IQSEC1: variants seen among roughly 807,000 people sequenced by gnomAD.
IQSEC1 encodes IQ motif and SEC7 domain-containing protein 1.
A neutral mutation model predicts 91.0 loss-of-function variants in IQSEC1; 31 were observed. The observed-to-expected ratio is 0.34, with a 90% CI of 0.26 to 0.46. The LOEUF (loss-of-function observed/expected upper bound fraction) is 0.46, where lower values mean the gene tolerates loss of function less well. Ranked by LOEUF, IQSEC1 falls within the 20% of genes least tolerant of loss-of-function variation. The pLI, the probability that IQSEC1 is intolerant of heterozygous loss-of-function variation, is 1.00. For missense variants in IQSEC1, 1,388 were observed against 1,575.6 expected (o/e 0.88, Z 2.02); for synonymous variants, 699 against 662.6 (o/e 1.05, Z -0.84).
chr3:13,028,021 T>C (rs558691136), intron 1 of IQSEC1, among the ~76,000 whole-genome samples: 136 of 152,312 alleles, frequency 8.9e-4, no homozygotes, highest in Non-Finnish European at 1.8e-3. Context: ...CAAGGTCCAC[T>C]TAGCTGCCTC....
intron 1 of IQSEC1, among the ~76,000 whole-genome samples, chr3:13,024,594 A>G (rs1348948789): frequency 6.8e-6 from 1 of 146,992 alleles, no homozygotes; most frequent in Non-Finnish European, 1.5e-5. Flanking sequence ...CCATCCACCC[A>G]CCCATCCATC....
At chr3:13,279,153 A>G (rs903668811) in intron 1 of IQSEC1, among the ~76,000 whole-genome samples, 7 of 152,214 alleles carry the variant, frequency 4.6e-5, no homozygotes, top group African/African-American at 1.7e-4. Flanking sequence ...CTGAAGTTCA[A>G]CTGACTTTCT....
intron 1 of IQSEC1, among the ~76,000 whole-genome samples, chr3:13,242,041 G>T (rs150684226): frequency 1.1e-3 from 172 of 152,294 alleles, no homozygotes; most frequent in African/African-American, 4.0e-3. Context: ...GTGTATGTGT[G>T]CATATATATT....
intron 1 of IQSEC1, among the ~76,000 whole-genome samples, chr3:13,064,046 A>C (rs1262016862): frequency 6.6e-6 from 1 of 152,012 alleles, no homozygotes; most frequent in Non-Finnish European, 1.5e-5. Flanking sequence ...TCTTATATAC[A>C]TCGTTTCCCC....
intron 2 of IQSEC1, among the ~76,000 whole-genome samples, chr3:13,152,288 A>G (rs955839032): frequency 6.6e-6 from 1 of 152,238 alleles, no homozygotes; most frequent in Non-Finnish European, 1.5e-5. Flanking sequence ...AAGGATTTAC[A>G]TGCCAAATGT....
chr3:13,237,228 G>A (rs1694946115), intron 1 of IQSEC1, among the ~76,000 whole-genome samples: 1 of 152,236 alleles, frequency 6.6e-6, no homozygotes, highest in South Asian at 2.1e-4. Flanking sequence ...AGCCCTTTCT[G>A]TGTGGATGGG....
chr3:13,024,916 G>A (rs1041824989), intron 1 of IQSEC1, among the ~76,000 whole-genome samples: 1 of 152,198 alleles, frequency 6.6e-6, no homozygotes, highest in Non-Finnish European at 1.5e-5. Flanking sequence ...TTGCAAAACA[G>A]GAATAAAAAA....
At chr3:12,988,988 A>G (rs984393816) in intron 1 of IQSEC1, among the ~76,000 whole-genome samples, 2 of 152,228 alleles carry the variant, frequency 1.3e-5, no homozygotes, top group African/African-American at 4.8e-5. Flanking sequence ...ATGCAAAGCA[A>G]GTTAGAAGCC....
At chr3:12,905,201 G>C (rs1271907522) in intron 12 of IQSEC1, among the ~76,000 whole-genome samples, 3 of 152,368 alleles carry the variant, frequency 2.0e-5, no homozygotes, top group Non-Finnish European at 4.4e-5. Flanking sequence ...GTGCTGATCA[G>C]GCCAAGCCAG....
chr3:13,115,531 G>C (rs1706321038), intron 2 of IQSEC1, among the ~76,000 whole-genome samples: 1 of 152,228 alleles, frequency 6.6e-6, no homozygotes, highest in African/African-American at 2.4e-5. Context: ...GGTGGCCATG[G>C]ATGAGTCTTC....
Position 13,235,897 on chromosome 3 carries a change from G to A in IQSEC1, c.272+46814C>T, listed in dbSNP as rs762078495. 1.8e-4 allele frequency among the ~76,000 whole-genome samples: 28 copies of A among 152,078 alleles called. No homozygotes were observed. The East Asian group carries it at 2.9e-3, about 16-fold the overall frequency. On this transcript the variant is annotated intron_variant, in intron 1 of 15. Transcript: ENST00000648114. ...CCCGTTCCCTGTAGCCACCAGCCCC[G>A]CTGAGACAACCCGCTGCGGCAGACA... is the stretch of plus-strand genomic sequence containing the variant.
At chr3:13,065,630 G>C (rs1362504316) in intron 1 of IQSEC1, among the ~76,000 whole-genome samples, 1 of 152,218 alleles carries the variant, frequency 6.6e-6, no homozygotes, top group African/African-American at 2.4e-5. Flanking sequence ...TTGTGCAGTG[G>C]TGGAGGGAAG....
chr3:13,043,498 T>A (rs751957227), intron 1 of IQSEC1, among the ~76,000 whole-genome samples: 3 of 152,170 alleles, frequency 2.0e-5, no homozygotes, highest in Non-Finnish European at 4.4e-5. Context: ...GCAGCTCCGC[T>A]CCTCCTCGTC....
chr3:12,964,298 C>G lies in IQSEC1; in HGVS notation c.24-22433G>C, dbSNP rs1475375217. Among the ~76,000 whole-genome samples, 10 of 52,756 alleles carry G rather than the reference C, an allele frequency of 1.9e-4. No homozygotes were observed. In the Admixed American group the frequency reaches 2.7e-3, roughly 14 times the overall value. 34.6% of individuals were successfully genotyped at this position (52,756 alleles called of 152,430 possible). A position where few individuals can be genotyped will look rare whatever the true frequency, so the allele number is the denominator to read the frequency against. On this transcript the variant is annotated intron_variant, in intron 1 of 13. Coordinates refer to ENST00000613206, the MANE Select transcript of IQSEC1 (RefSeq NM_001134382.3). ...TCAACAGCATTTGAGCATACTCCCC[C>G]TACACACACACACACACACACACAC...
intron 1 of IQSEC1, among the ~76,000 whole-genome samples, chr3:13,011,936 T>C (rs1314576007): frequency 2.3e-5 from 3 of 130,702 alleles, no homozygotes; most frequent in Non-Finnish European, 4.9e-5. Flanking sequence ...AAATTCTAAG[T>C]TCGTGGGGGA....
chr3:13,215,553 G>A (rs1326971677), intron 1 of IQSEC1, among the ~76,000 whole-genome samples: 1 of 152,194 alleles, frequency 6.6e-6, no homozygotes, highest in Non-Finnish European at 1.5e-5. Context: ...ACATTTGAGA[G>A]GCTTGATAAA....
Position 13,274,075 on chromosome 3 carries a change from C to T in IQSEC1, c.272+8636G>A, listed in dbSNP as rs974972174. 5.9e-5 allele frequency among the ~76,000 whole-genome samples: 9 copies of T among 152,180 alleles called. No individual in the cohort carries two copies. The East Asian group carries it at 1.2e-3, about 20-fold the overall frequency. Reference sequence around the variant, plus strand: ...AGAAAGTACAAGCAAATCCCAAAGCCGGGACCCTCCCTCCAGTCCTGTCTT... The same window carrying T: ...AGAAAGTACAAGCAAATCCCAAAGCTGGGACCCTCCCTCCAGTCCTGTCTT... On this transcript the variant is annotated intron_variant, in intron 1 of 15. Coordinates refer to the IQSEC1 transcript ENST00000648114.
chr3:12,931,019 C>T (rs1367855662), intron 3 of IQSEC1, among the ~76,000 whole-genome samples: 6 of 152,188 alleles, frequency 3.9e-5, no homozygotes, highest in African/African-American at 1.4e-4. Context: ...GCTGCCTGCT[C>T]CACCAGCTCT....
rs1035191016 is a variant in IQSEC1, at chr3:13,238,325, G to A, written c.272+44386C>T. ...ACAGCAACCCTTGTCCAGCCCTGGCGTCCTCCCCTTGCACTTCTCTTGCAC... is the reference window on the plus strand; with the variant it reads ...ACAGCAACCCTTGTCCAGCCCTGGCATCCTCCCCTTGCACTTCTCTTGCAC... On this transcript the variant is annotated intron_variant, in intron 1 of 15. Coordinates refer to the IQSEC1 transcript ENST00000648114. Among the ~76,000 whole-genome samples the A allele has an allele frequency of 5.9e-5, 9 of 152,172 alleles. No individual in the cohort carries two copies. In the South Asian group the frequency reaches 6.2e-4, roughly 11 times the overall value.
Sources: allele counts gnomAD v4.1 joint callset (sites outside exome capture counted in the v4.1 genomes callset), GRCh38; gene constraint gnomAD v4.1.1; transcripts MANE v1.5; gene names NCBI Gene and HGNC (gene_info 2026-07-23, HGNC 2026-07-21).